FOCAD: variants seen among roughly 807,000 people sequenced by gnomAD.
FOCAD encodes the protein focadhesin.
In FOCAD, 198 loss-of-function variants were observed where a neutral mutation model predicts 225.6. That is an observed-to-expected ratio of 0.88 (90% confidence interval 0.78 to 0.99). FOCAD has a LOEUF of 0.99. Among genes scored for constraint, FOCAD ranks in the 50% least tolerant of loss-of-function variants. FOCAD has a pLI of 0.00. For synonymous variants in FOCAD, 897 were observed against 755.0 expected (o/e 1.19, Z -3.08); for missense variants, 2,713 against 2,123.6 (o/e 1.28, Z -5.46).
intron 35 of FOCAD, among the ~76,000 whole-genome samples, chr9:20,969,885 T>C (rs1839611467): frequency 6.6e-6 from 1 of 151,936 alleles, no homozygotes; most frequent in Admixed American, 6.5e-5. Context: ...TCGTAGGGCA[T>C]GTCTATGGGT....
Position 20,946,791 on chromosome 9 carries a change from C to T in FOCAD, c.3646C>T (p.Leu1216Phe). The T allele has an allele frequency of 6.2e-7, 1 of 1,613,820 alleles. No homozygotes were observed. The highest frequency in any genetic ancestry group is 1.1e-5 in the South Asian group (1 of 91,064). Reference sequence around the variant, plus strand: ...AGAGGCTGAGGATGTTATGAACAAGCTTCGACTGTTAGTGGAGAATAGCCA... The same window carrying T: ...AGAGGCTGAGGATGTTATGAACAAGTTTCGACTGTTAGTGGAGAATAGCCA... Reference protein sequence around the residue: ...ATEAEDVMNKLRLLVENSQQT... With the variant: ...ATEAEDVMNKFRLLVENSQQT... The change falls in exon 30 of 44, where the codon CTT becomes TTT. Residue 1216 changes from leucine (L) to phenylalanine (F), a missense_variant. Leu to Phe is a conservative substitution (Grantham distance 22). Coordinates refer to ENST00000338382, the MANE Select transcript of FOCAD (RefSeq NM_001375567.1).
chr9:20,740,555 G>T (rs545909609), intron 5 of FOCAD, among the ~76,000 whole-genome samples: 7 of 152,204 alleles, frequency 4.6e-5, no homozygotes, highest in East Asian at 1.9e-4. Context: ...GGGTTTCAGG[G>T]TTGCTAATTT....
intron 24 of FOCAD, among the ~76,000 whole-genome samples, chr9:20,917,612 T>G (rs1833982695): frequency 6.6e-6 from 1 of 152,094 alleles, no homozygotes; most frequent in South Asian, 2.1e-4. Flanking sequence ...CACCATCTTC[T>G]CTAACTGCTG....
intron 11 of FOCAD, among the ~76,000 whole-genome samples, chr9:20,804,995 T>C (rs1822262953): frequency 1.3e-5 from 2 of 152,184 alleles, no homozygotes; most frequent in Non-Finnish European, 2.9e-5. Context: ...TCTGTGCCTA[T>C]TAGGACCGCA....
At position 20,993,238 on chromosome 9, in the gene FOCAD, T is replaced by G; in HGVS notation, c.5257-15T>G. On this transcript the variant is annotated splice_polypyrimidine_tract_variant and intron_variant, in intron 42 of 43. Coordinates refer to ENST00000338382, the MANE Select transcript of FOCAD (RefSeq NM_001375567.1). The stretch of plus-strand genomic sequence containing the variant: ...GGATTCTCTTCTTTGACACTATTTT[T>G]CATTTTTACCCTAGTTCATTGACTG... 6.2e-7 allele frequency: 1 copy of G among 1,608,504 alleles called. No homozygotes were observed. The highest frequency in any genetic ancestry group is 1.3e-5 in the African/African-American group (1 of 74,924).
chr9:20,656,152 T>C (rs964058219), upstream of FOCAD, among the ~76,000 whole-genome samples: 19 of 149,938 alleles, frequency 1.3e-4, no homozygotes, highest in African/African-American at 4.2e-4. Context: ...TAGTTTGTTA[T>C]AATTTCTGTT....
chr9:20,759,298 C>T (rs2130905125), intron 6 of FOCAD, among the ~76,000 whole-genome samples: 1 of 152,256 alleles, frequency 6.6e-6, no homozygotes, highest in Middle Eastern at 3.4e-3. Context: ...ATCACACTAC[C>T]TGACTTCAAA....
intron 1 of FOCAD, among the ~76,000 whole-genome samples, chr9:20,698,134 TTTA>T: frequency 6.6e-6 from 1 of 152,210 alleles, no homozygotes; most frequent in Non-Finnish European, 1.5e-5. Context: ...AATTAAACAT[TTTA>T]TTTTTTTATT....
At chr9:20,871,160 T>C (rs1829729314) in intron 18 of FOCAD, among the ~76,000 whole-genome samples, 1 of 151,764 alleles carries the variant, frequency 6.6e-6, no homozygotes, top group South Asian at 2.1e-4. Flanking sequence ...GCTGAGAGCA[T>C]GCCACTACAC....
intron 23 of FOCAD, among the ~76,000 whole-genome samples, chr9:20,914,695 C>T (rs1833731921): frequency 6.6e-6 from 1 of 152,058 alleles, no homozygotes; most frequent in Non-Finnish European, 1.5e-5. Context: ...CGGGAGATTG[C>T]AGGGTGGAGA....
chr9:20,793,669 C>T (rs1167560914), intron 11 of FOCAD, among the ~76,000 whole-genome samples: 2 of 152,160 alleles, frequency 1.3e-5, no homozygotes, highest in Non-Finnish European at 2.9e-5. Flanking sequence ...TCCAAAACTG[C>T]ATTCAGAACA....
At chr9:20,987,204 G>GA (rs907911661) in intron 40 of FOCAD, among the ~76,000 whole-genome samples, 3 of 152,028 alleles carry the variant, frequency 2.0e-5, no homozygotes, top group Admixed American at 1.3e-4. Context: ...TGATTTTTAG[G>GA]AAAAACTGAC....
intron 7 of FOCAD, among the ~76,000 whole-genome samples, chr9:20,769,174 C>T (rs1431595139): frequency 6.6e-6 from 1 of 152,032 alleles, no homozygotes; most frequent in Non-Finnish European, 1.5e-5. Flanking sequence ...TCTCTTTGAT[C>T]TTTTAATATC....
intron 21 of FOCAD, among the ~76,000 whole-genome samples, chr9:20,889,542 T>C (rs945531298): frequency 6.6e-6 from 1 of 152,226 alleles, no homozygotes; most frequent in African/African-American, 2.4e-5. Context: ...CAAAAATCAC[T>C]TGCCCATATA....
At chr9:20,729,327 C>G (rs1278261082) in intron 4 of FOCAD, among the ~76,000 whole-genome samples, 1 of 152,180 alleles carries the variant, frequency 6.6e-6, no homozygotes, top group Non-Finnish European at 1.5e-5. Flanking sequence ...CTTGTAACTT[C>G]AGTCTCTGCC....
upstream of FOCAD, among the ~76,000 whole-genome samples, chr9:20,655,665 C>G (rs551891514): frequency 6.6e-5 from 10 of 152,310 alleles, no homozygotes; most frequent in South Asian, 1.7e-3. Flanking sequence ...ATTCTTCTCT[C>G]TTTTTTTCTT....
intron 15 of FOCAD, among the ~76,000 whole-genome samples, chr9:20,845,442 G>GATATATGTATATAT (rs1554703845): frequency 2.5e-5 from 3 of 121,236 alleles, no homozygotes; most frequent in African/African-American, 9.5e-5. Context: ...TCTTTTCCTC[G>GATATATGTATATAT]ATATATATAT....
At chr9:20,970,574 T>G (rs556085725) in intron 35 of FOCAD, among the ~76,000 whole-genome samples, 2 of 152,168 alleles carry the variant, frequency 1.3e-5, no homozygotes, top group Non-Finnish European at 2.9e-5. Flanking sequence ...CTTTTTTCTT[T>G]TCTTGTATTG....
Position 20,946,802 on chromosome 9 carries a change from A to G in FOCAD, c.3657A>G (p.Leu1219=), listed in dbSNP as rs1180408425. Reference sequence around the variant, plus strand: ...ATGTTATGAACAAGCTTCGACTGTTAGTGGAGAATAGCCAGCAGGTTGGAA... The same window carrying G: ...ATGTTATGAACAAGCTTCGACTGTTGGTGGAGAATAGCCAGCAGGTTGGAA... ...AEDVMNKLRL[L]VENSQQTSGF... Residue 1219 remains leucine, a synonymous_variant, in exon 30 of 44, where the codon TTA becomes TTG. Transcript: ENST00000338382. The G allele has an allele frequency of 6.2e-7, 1 of 1,613,760 alleles. No homozygotes were observed. The highest frequency in any genetic ancestry group is 1.1e-5 in the South Asian group (1 of 91,072).
Sources: allele counts gnomAD v4.1 joint callset (sites outside exome capture counted in the v4.1 genomes callset), GRCh38; gene constraint gnomAD v4.1.1; transcripts MANE v1.5; gene names NCBI Gene and HGNC (gene_info 2026-07-23, HGNC 2026-07-21).